MYO10: variants seen among roughly 807,000 people sequenced by gnomAD.
MYO10 encodes myosin X, also known as unconventional myosin-X.
Under a neutral mutation model 257.3 loss-of-function variants are expected in MYO10, and 133 were observed. The ratio of observed to expected loss-of-function variants is 0.52; its 90% CI spans 0.45 to 0.60. The LOEUF (loss-of-function observed/expected upper bound fraction) is 0.60, where lower values mean the gene tolerates loss of function less well. MYO10 is among the 20% of genes least tolerant of loss of function. MYO10 has a pLI of 0.00. For missense variants in MYO10, 2,399 were observed against 2,635.7 expected, an observed-to-expected ratio of 0.91 and a Z score of 1.97; for synonymous variants, 1,104 against 1,028.6, an observed-to-expected ratio of 1.07 and a Z score of -1.40.
chr5:16,880,049 G>A (rs1391298722), intron 1 of MYO10, among the ~76,000 whole-genome samples: 3 of 152,132 alleles, frequency 2.0e-5, no homozygotes, highest in Non-Finnish European at 4.4e-5. Context: ...ACATGGTGGC[G>A]CATGCCTGTA....
At chr5:16,891,330 AGG>A (rs1491527905) in intron 1 of MYO10, among the ~76,000 whole-genome samples, 1 of 40,382 alleles carries the variant, frequency 2.5e-5, no homozygotes, top group East Asian at 6.3e-4. Context: ...AAAGGAAGGA[AGG>A]AAGGAAGGAA....
At chr5:16,911,123 C>T (rs1267947126) in intron 1 of MYO10, among the ~76,000 whole-genome samples, 2 of 151,984 alleles carry the variant, frequency 1.3e-5, no homozygotes, top group African/African-American at 4.8e-5. Context: ...GGCAACATGG[C>T]AATACTCCAT....
In MYO10 at chr5:16,762,125, A is replaced by G; in HGVS notation, c.1588-12T>C. 6.8e-7 allele frequency: 1 copy of G among 1,480,440 alleles called. No homozygotes were observed. Among genetic ancestry groups the G allele is most frequent in the Non-Finnish European group, 8.9e-7 (1 of 1,121,010 alleles). 91.7% of individuals were successfully genotyped at this position (1,480,440 alleles called of 1,614,324 possible). A position where few individuals can be genotyped will look rare whatever the true frequency, so the allele number is the denominator to read the frequency against. On this transcript the variant is annotated splice_polypyrimidine_tract_variant and intron_variant, in intron 15 of 40. Coordinates refer to ENST00000513610, the MANE Select transcript of MYO10 (RefSeq NM_012334.3). The stretch of plus-strand genomic sequence containing the variant: ...TAAAAGTGGTTATTCTAAAAAAAAA[A>G]AAAAAAAAAAAAAAAAAAATACAAT...
In MYO10 at chr5:16,869,567, G is replaced by A. The variant is rs551706298; in HGVS notation, c.120+8042C>T. Among the ~76,000 whole-genome samples the A allele has an allele frequency of 2.6e-3, 394 of 151,938 alleles. 1 individual carries two copies. Among genetic ancestry groups the A allele is most frequent in the African/African-American group, 8.7e-3 (359 of 41,460 alleles). The stretch of plus-strand genomic sequence containing the variant: ...CTAGATGACAGAGCAAGACCCTGTC[G>A]CTAAAAACAGAAGGTGGCCGGACGT... On this transcript the variant is annotated intron_variant, in intron 2 of 40. Transcript: ENST00000513610.
chr5:16,925,704 G>A (rs1746112856), intron 1 of MYO10, among the ~76,000 whole-genome samples: 1 of 152,170 alleles, frequency 6.6e-6, no homozygotes, highest in Non-Finnish European at 1.5e-5. Context: ...GAGCCACCGT[G>A]TCCGGCCTCA....
Position 16,927,098 on chromosome 5 carries a change from T to C in MYO10, c.21+8690A>G, listed in dbSNP as rs567687371. On this transcript the variant is annotated intron_variant, in intron 1 of 40. Transcript: ENST00000513610. ...TTTATAACTTTTAAATGTTTAGGTA[T>C]GTGATATGGGAACTGAATTTGTACT... Among the ~76,000 whole-genome samples, 192 of 152,336 alleles carry C rather than the reference T, an allele frequency of 1.3e-3. 1 individual carries two copies. Among genetic ancestry groups the C allele is most frequent in the South Asian group, 5.8e-3 (28 of 4,824 alleles).
rs74355962 is a variant in MYO10, at chr5:16,801,592, C to T, written c.280-6759G>A. On this transcript the variant is annotated intron_variant, in intron 3 of 40. Transcript: ENST00000513610. ...TAGGTGCTACTGCTGTGGTCCTTCTCGTTTTGTGATTCATATTCTGAAAAG... is the reference window on the plus strand; with the variant it reads ...TAGGTGCTACTGCTGTGGTCCTTCTTGTTTTGTGATTCATATTCTGAAAAG... Among the ~76,000 whole-genome samples, 859 of 152,186 alleles carry T rather than the reference C, an allele frequency of 5.6e-3. 10 individuals are homozygous for T. The highest frequency in any genetic ancestry group is 0.019 in the African/African-American group (805 of 41,526).
chr5:16,699,705 C>G lies in MYO10; in HGVS notation c.3433-132G>C, dbSNP rs142848697. 4.3e-6 allele frequency: 5 copies of G among 1,167,242 alleles called. No homozygotes were observed. In the African/African-American group the frequency reaches 8.0e-5, roughly 19 times the overall value. The allele number at this position is 1,167,242 out of a possible 1,614,324, so 72.3% of individuals were successfully genotyped here. On this transcript the variant is annotated intron_variant, in intron 25 of 40. Transcript: ENST00000513610. The stretch of plus-strand genomic sequence containing the variant: ...AAGAGGCTGAGGCAGCAGAATCACT[C>G]GAACCCAGGAGGCAGTGACTGCACT...
chr5:16,902,348 T>TG, intron 1 of MYO10: 1 of 1,169,730 alleles, frequency 8.5e-7, no homozygotes, highest in Non-Finnish European at 1.3e-6. Context: ...TAAATCAGGG[T>TG]GGGGGTGTTC....
chr5:16,804,649 G>C (rs1742219058), intron 3 of MYO10, among the ~76,000 whole-genome samples: 1 of 152,182 alleles, frequency 6.6e-6, no homozygotes, highest in Non-Finnish European at 1.5e-5. Context: ...GAGGCAGGAG[G>C]ATCACCTGAG....
rs567695509 is a variant in MYO10 at position 16,933,311 on chromosome 5, C to A, written c.21+2477G>T. Reference sequence around the variant, plus strand: ...CAACACACAGGACGGCCTCCAACAACAAAGAATTACTCAGCAATGGTACCA... The same window carrying A: ...CAACACACAGGACGGCCTCCAACAAAAAAGAATTACTCAGCAATGGTACCA... On this transcript the variant is annotated intron_variant, in intron 1 of 40. Transcript: ENST00000513610. Among the ~76,000 whole-genome samples the A allele has an allele frequency of 2.4e-4, 36 of 152,300 alleles. No individual in the cohort carries two copies. In the South Asian group the frequency reaches 4.6e-3, roughly 19 times the overall value.
At chr5:16,907,515 GA>G (rs201467870) in intron 1 of MYO10, among the ~76,000 whole-genome samples, 1 of 151,486 alleles carries the variant, frequency 6.6e-6, no homozygotes, top group Non-Finnish European at 1.5e-5. Context: ...TTGAAAAAAA[GA>G]AAAAAAAGGT....
intron 32 of MYO10, among the ~76,000 whole-genome samples, chr5:16,680,363 A>AT (rs777840249): frequency 2.6e-5 from 4 of 152,192 alleles, no homozygotes; most frequent in Non-Finnish European, 5.9e-5. Context: ...ATATATAAAG[A>AT]TAAATGATAA....
At chr5:16,731,334 C>G (rs921702600) in intron 19 of MYO10, among the ~76,000 whole-genome samples, 2 of 151,234 alleles carry the variant, frequency 1.3e-5, no homozygotes, top group African/African-American at 4.9e-5. Flanking sequence ...TGAGCCACCA[C>G]GCCCAGTTTT....
chr5:16,784,968 A>G (rs11133860), intron 4 of MYO10, among the ~76,000 whole-genome samples: 37,347 of 151,044 alleles, frequency 0.25, 4,778 homozygotes, highest in Non-Finnish European at 0.26. Context: ...TAATGTCGTA[A>G]TGTCAAGGGT....
intron 32 of MYO10, among the ~76,000 whole-genome samples, chr5:16,680,417 G>T (rs988458442): frequency 6.6e-6 from 1 of 152,110 alleles, no homozygotes; most frequent in African/African-American, 2.4e-5. Flanking sequence ...CTCTTTTTGG[G>T]CTCTGGAACA....
chr5:16,884,264 G>T (rs1259791042), intron 1 of MYO10, among the ~76,000 whole-genome samples: 1 of 152,090 alleles, frequency 6.6e-6, no homozygotes, highest in African/African-American at 2.4e-5. Flanking sequence ...GCGTGGTGGT[G>T]CATGCCTGTG....
At chr5:16,755,464 C>A (rs972763899) in intron 18 of MYO10, among the ~76,000 whole-genome samples, 3 of 152,198 alleles carry the variant, frequency 2.0e-5, no homozygotes, top group Non-Finnish European at 4.4e-5. Context: ...CGCGCCCGGC[C>A]TGAAATAGTA....
chr5:16,925,569 A>G (rs1746109287), intron 1 of MYO10, among the ~76,000 whole-genome samples: 1 of 152,038 alleles, frequency 6.6e-6, no homozygotes, highest in Non-Finnish European at 1.5e-5. Flanking sequence ...CTGCTACCAC[A>G]TCTGGCTAAC....
Sources: allele counts gnomAD v4.1 joint callset (sites outside exome capture counted in the v4.1 genomes callset), GRCh38; gene constraint gnomAD v4.1.1; transcripts MANE v1.5; gene names NCBI Gene and HGNC (gene_info 2026-07-23, HGNC 2026-07-21).